The following LRRC37B variants were observed in gnomAD, a reference collection of about 807,000 sequenced individuals.
LRRC37B encodes the protein leucine rich repeat containing 37B.
In LRRC37B, 28 loss-of-function variants were observed where a neutral mutation model predicts 98.3. The ratio of observed to expected loss-of-function variants is 0.28; its 90% CI spans 0.21 to 0.39. The LOEUF is 0.39. Among genes scored for constraint, LRRC37B ranks in the 10% least tolerant of loss-of-function variants. The probability of loss-of-function intolerance (pLI) is 1.00; values close to 1 mark genes in which losing one functional copy is unlikely to be tolerated. For synonymous variants in LRRC37B, 364 were observed against 442.7 expected, an observed-to-expected ratio of 0.82 and a Z score of 2.23; for missense variants, 938 against 1,182.7, an observed-to-expected ratio of 0.79 and a Z score of 3.03.
chr17:32,038,839 CAG>C (rs760779400), intron 7 of LRRC37B, among the ~76,000 whole-genome samples: 1 of 152,232 alleles, frequency 6.6e-6, no homozygotes, highest in East Asian at 1.9e-4. Context: ...GCCTGGGCAA[CAG>C]AGTGAGACTC....
intron 8 of LRRC37B, among the ~76,000 whole-genome samples, chr17:32,046,067 G>A (rs1479208357): frequency 6.6e-6 from 1 of 152,196 alleles, no homozygotes; most frequent in Non-Finnish European, 1.5e-5. Flanking sequence ...GGAAGGCTAG[G>A]GAATAACATT....
At chr17:32,016,324 G>A (rs544695912), upstream of LRRC37B, among the ~76,000 whole-genome samples, 85 of 152,346 alleles carry the variant, frequency 5.6e-4, no homozygotes, top group South Asian at 2.9e-3. Flanking sequence ...ACCTGGGGCT[G>A]TGCTGGAAAT....
intron 3 of LRRC37B, chr17:32,028,806 A>ACAC (rs1256869106): frequency 8.1e-6 from 1 of 123,534 alleles, no homozygotes; most frequent in Non-Finnish European, 1.7e-5. Flanking sequence ...GTATGTCATT[A>ACAC]ATCCTTATTA....
chr17:32,013,149 A>G (rs569651812), intron 1 of LRRC37B, among the ~76,000 whole-genome samples: 110 of 152,226 alleles, frequency 7.2e-4, no homozygotes, highest in African/African-American at 2.6e-3. Flanking sequence ...CTTTTAATCT[A>G]TATATCATGA....
At chr17:32,008,053 C>A (rs1243764013) in exon 1 of LRRC37B, 2 of 508,270 alleles carry the variant, frequency 3.9e-6, no homozygotes, top group African/African-American at 2.0e-5. Context: ...ACGACGATGA[C>A]TCCGATTATC....
intron 1 of LRRC37B, among the ~76,000 whole-genome samples, chr17:32,024,087 T>G (rs548292899): frequency 2.0e-4 from 29 of 147,040 alleles, no homozygotes; most frequent in East Asian, 3.9e-4. Flanking sequence ...TTTTATTTTG[T>G]TTTTTTTGCT....
At chr17:32,014,692 G>A (rs943936986) in intron 1 of LRRC37B, among the ~76,000 whole-genome samples, 2 of 151,588 alleles carry the variant, frequency 1.3e-5, no homozygotes, top group Admixed American at 1.3e-4. Context: ...GACTTCCAAT[G>A]TATGTAGATA....
chr17:32,021,159 C>T lies in LRRC37B; in HGVS notation c.94C>T (p.Arg32Cys), dbSNP rs919864891. 26 of 1,613,704 alleles carry T rather than the reference C, an allele frequency of 1.6e-5. No individual in the cohort carries two copies. The Admixed American group carries it at 2.0e-4, about 12-fold the overall frequency. ...ACCAGCGTGTGTCATGTCTTGGCTG[C>T]GTTTCTGGGGCCCATGGCCCCTCCT... The change falls in exon 1 of 12, where the codon CGT becomes TGT. Residue 32 changes from arginine (R) to cysteine (C), a missense_variant. Arg to Cys is a radical substitution (Grantham distance 180). This residue lies in a region of LRRC37B where 610 missense variants were observed against 625.6 expected (regional missense o/e 0.98). Transcript: ENST00000327564.
At chr17:32,008,180 C>T (rs760144689) in intron 1 of LRRC37B, 48 bp downstream of exon 1, 83 of 236,266 alleles carry the variant, frequency 3.5e-4, no homozygotes, top group African/African-American at 1.8e-3. Flanking sequence ...ACCTCCTCTC[C>T]CCTCCCCCCT....
At chr17:32,025,612 T>G (rs1910931690) in intron 2 of LRRC37B, among the ~76,000 whole-genome samples, 2 of 152,234 alleles carry the variant, frequency 1.3e-5, no homozygotes, top group South Asian at 4.1e-4. Context: ...CTTCATAATT[T>G]CTTTCCTTCC....
At chr17:32,031,285 G>A in intron 4 of LRRC37B, 93 bp from the exon 8 acceptor site, 13 of 1,540,812 alleles carry the variant, frequency 8.4e-6, no homozygotes, top group Non-Finnish European at 1.1e-5. Context: ...AAAGATTGAG[G>A]TGATGTTCCA....
exon 1 of LRRC37B, chr17:32,022,560 G>A (rs778576380): frequency 1.2e-6 from 2 of 1,613,942 alleles, no homozygotes; most frequent in Non-Finnish European, 8.5e-7. Flanking sequence ...GAAGACTAGA[G>A]CTCCTCATCC....
chr17:32,017,413 AT>A (rs2142237757), upstream of LRRC37B, among the ~76,000 whole-genome samples: 1 of 152,282 alleles, frequency 6.6e-6, no homozygotes, highest in South Asian at 2.1e-4. Context: ...TTGTGTCCAC[AT>A]TTTTCATTTC....
exon 2 of LRRC37B, chr17:32,024,764 A>G (rs1211805824): frequency 6.2e-7 from 1 of 1,605,396 alleles, no homozygotes; most frequent in East Asian, 2.2e-5. Flanking sequence ...TGGAAAGCAT[A>G]CAGTTGGACC....
chr17:32,009,104 G>A (rs1023907327), intron 1 of LRRC37B, among the ~76,000 whole-genome samples: 1 of 151,850 alleles, frequency 6.6e-6, no homozygotes, highest in African/African-American at 2.4e-5. Flanking sequence ...GATATTGTCA[G>A]TTTTTGTTGG....
At chr17:32,045,914 A>T (rs2916773) in intron 8 of LRRC37B, 96 bp downstream of exon 11, 46,951 of 1,208,888 alleles carry the variant, frequency 0.039, no homozygotes, top group African/African-American at 0.27. Flanking sequence ...AGCTGATGAT[A>T]TAATTGTTTT....
upstream of LRRC37B, chr17:32,020,970 C>T (rs551964195): frequency 1.0e-5 from 15 of 1,473,756 alleles, no homozygotes; most frequent in South Asian, 4.3e-5. Flanking sequence ...GGCGCTTGGG[C>T]GGGATTGTGA....
intron 11 of LRRC37B, chr17:32,052,242 A>G (rs1911780657): frequency 6.7e-6 from 1 of 150,014 alleles, no homozygotes; most frequent in Non-Finnish European, 1.5e-5. Flanking sequence ...CTGGAGAGCA[A>G]TGGTGTGATC....
chr17:32,041,123 C>T (rs773924802), intron 7 of LRRC37B: 18 of 767,226 alleles, frequency 2.3e-5, no homozygotes, highest in East Asian at 4.9e-5. Flanking sequence ...AGATCCTGGA[C>T]GAGCTGGCAG....
Sources: allele counts gnomAD v4.1 joint callset (sites outside exome capture counted in the v4.1 genomes callset), GRCh38; gene constraint gnomAD v4.1.1; regional missense constraint gnomAD v4.1.1; transcripts MANE v1.5; gene names NCBI Gene and HGNC (gene_info 2026-07-23, HGNC 2026-07-21).